Variants in PCSK5 observed in about 807,000 individuals in gnomAD.
PCSK5 encodes proprotein convertase subtilisin/kexin type 5.
Under a neutral mutation model 233.2 loss-of-function variants are expected in PCSK5, and 129 were observed. That is an observed-to-expected ratio of 0.55 (90% CI 0.48 to 0.64). The LOEUF (loss-of-function observed/expected upper bound fraction) is 0.64. Ranked by LOEUF, PCSK5 falls within the 30% of genes least tolerant of loss-of-function variation. The pLI is 0.00. For synonymous variants in PCSK5, 825 were observed against 879.2 expected (o/e 0.94, Z 1.09); for missense variants, 2,076 against 2,430.1 (o/e 0.85, Z 3.06).
At chr9:76,197,807 G>T (rs1489057778) in intron 20 of PCSK5, among the ~76,000 whole-genome samples, 1 of 152,196 alleles carries the variant, frequency 6.6e-6, no homozygotes, top group Non-Finnish European at 1.5e-5. Context: ...ATGTGTAGAA[G>T]ACGGCACAGA....
At chr9:76,161,080 C>T (rs182841939) in intron 12 of PCSK5, among the ~76,000 whole-genome samples, 1 of 152,198 alleles carries the variant, frequency 6.6e-6, no homozygotes, top group African/African-American at 2.4e-5. Context: ...AGCCCGGAAT[C>T]TGAAATCTTC....
intron 20 of PCSK5, among the ~76,000 whole-genome samples, chr9:76,210,237 A>G (rs191919465): frequency 1.9e-3 from 294 of 152,350 alleles, no homozygotes; most frequent in African/African-American, 5.4e-3. Flanking sequence ...GTAAGCTACC[A>G]GAGGGGCAAC....
chr9:76,134,918 A>G (rs1348422256), intron 10 of PCSK5, among the ~76,000 whole-genome samples: 2 of 152,098 alleles, frequency 1.3e-5, no homozygotes, highest in East Asian at 1.9e-4. Flanking sequence ...AAAGTTTAGT[A>G]TATCTACTCA....
At chr9:76,291,863 C>T (rs561727467) in intron 24 of PCSK5, among the ~76,000 whole-genome samples, 1 of 152,276 alleles carries the variant, frequency 6.6e-6, no homozygotes, top group African/African-American at 2.4e-5. Context: ...GGGTCAGAAG[C>T]TTGTAGCCCC....
intron 7 of PCSK5, among the ~76,000 whole-genome samples, chr9:76,081,663 T>G (rs1830843109): frequency 6.6e-6 from 1 of 152,184 alleles, no homozygotes; most frequent in Admixed American, 6.5e-5. Context: ...TTAGTTTGTG[T>G]AATTCACCTA....
chr9:76,066,600 C>T (rs772587992), intron 5 of PCSK5, among the ~76,000 whole-genome samples: 1 of 152,026 alleles, frequency 6.6e-6, no homozygotes, highest in Non-Finnish European at 1.5e-5. Context: ...TACACACACA[C>T]TACACAAACA....
intron 21 of PCSK5, among the ~76,000 whole-genome samples, chr9:76,229,595 G>GA (rs1378717996): frequency 6.6e-6 from 1 of 152,030 alleles, no homozygotes; most frequent in Admixed American, 6.5e-5. Flanking sequence ...TGAATTCAGA[G>GA]AAAAAAATCT....
intron 20 of PCSK5, among the ~76,000 whole-genome samples, chr9:76,219,389 G>C (rs1206385641): frequency 1.3e-5 from 2 of 152,136 alleles, no homozygotes; most frequent in Non-Finnish European, 2.9e-5. Context: ...AGCCATGAGG[G>C]AGGTTCATTG....
At chr9:75,956,941 C>G (rs1825120936) in intron 2 of PCSK5, among the ~76,000 whole-genome samples, 1 of 152,076 alleles carries the variant, frequency 6.6e-6, no homozygotes, top group Non-Finnish European at 1.5e-5. Context: ...TTCTCCCCAG[C>G]AGATTTGCAA....
chr9:76,053,841 C>T (rs1191936009), intron 5 of PCSK5, among the ~76,000 whole-genome samples: 2 of 152,228 alleles, frequency 1.3e-5, no homozygotes, highest in Admixed American at 6.5e-5. Context: ...TCCAAAGTCA[C>T]TTCCACAGTT....
At chr9:76,330,411 C>G (rs1829493062) in intron 33 of PCSK5, among the ~76,000 whole-genome samples, 1 of 151,946 alleles carries the variant, frequency 6.6e-6, no homozygotes, top group Non-Finnish European at 1.5e-5. Flanking sequence ...CACTTTTCTC[C>G]CCCACCAGGA....
chr9:75,924,413 A>G (rs541354227), intron 1 of PCSK5, among the ~76,000 whole-genome samples: 1 of 152,304 alleles, frequency 6.6e-6, no homozygotes, highest in East Asian at 1.9e-4. Flanking sequence ...ATGCAATAGC[A>G]TTTACGAATC....
At chr9:76,206,788 C>A (rs755631299) in intron 20 of PCSK5, among the ~76,000 whole-genome samples, 17 of 152,220 alleles carry the variant, frequency 1.1e-4, no homozygotes, top group Non-Finnish European at 1.8e-4. Context: ...CTCGCCTATA[C>A]TGAACTGCAT....
intron 9 of PCSK5, 115 bp downstream of exon 9, chr9:76,107,466 A>C: frequency 1.8e-6 from 1 of 543,726 alleles, no homozygotes. Context: ...AATCTTCCCA[A>C]TCCCACCTTT....
chr9:76,359,601 G>A lies in PCSK5; in HGVS notation c.*679G>A, dbSNP rs1830391482. On this transcript the variant is annotated 3_prime_UTR_variant, in exon 38 of 38. Coordinates refer to ENST00000674117, the MANE Select transcript of PCSK5 (RefSeq NM_001372043.1). Reference sequence around the variant, plus strand: ...ACCCCAGGCCCTAGTTCCTCCGCAGGAATCCAGAGTCACAACAATTCTAAA... The same window carrying A: ...ACCCCAGGCCCTAGTTCCTCCGCAGAAATCCAGAGTCACAACAATTCTAAA... The A allele has an allele frequency of 6.6e-6, 1 of 152,148 alleles. No homozygotes were observed. 9.4% of individuals were successfully genotyped at this position (152,148 alleles called of 1,614,324 possible).
At chr9:76,097,246 CTTTTTTTTTTT>C (rs71372046) in intron 8 of PCSK5, among the ~76,000 whole-genome samples, 2 of 67,328 alleles carry the variant, frequency 3.0e-5, no homozygotes, top group African/African-American at 1.3e-4. Flanking sequence ...AAGTGCATTT[CTTTTTTTTTTT>C]TTTTTTTTTT....
intron 2 of PCSK5, among the ~76,000 whole-genome samples, chr9:75,969,060 A>G (rs759592697): frequency 2.6e-5 from 4 of 152,120 alleles, no homozygotes; most frequent in Non-Finnish European, 4.4e-5. Flanking sequence ...TTCTGGCATC[A>G]TCACAGCTGA....
intron 30 of PCSK5, among the ~76,000 whole-genome samples, chr9:76,317,363 A>C (rs1226612811): frequency 6.6e-6 from 1 of 152,194 alleles, no homozygotes; most frequent in Non-Finnish European, 1.5e-5. Flanking sequence ...ACCCTGTCTC[A>C]GACAAAACAA....
intron 3 of PCSK5, among the ~76,000 whole-genome samples, chr9:76,013,976 G>A (rs1015170705): frequency 6.0e-5 from 9 of 151,010 alleles, no homozygotes; most frequent in Non-Finnish European, 1.3e-4. Context: ...AAGAAAAAAG[G>A]AAGTGGGAAC....
Sources: allele counts gnomAD v4.1 joint callset (sites outside exome capture counted in the v4.1 genomes callset), GRCh38; gene constraint gnomAD v4.1.1; transcripts MANE v1.5; gene names NCBI Gene and HGNC (gene_info 2026-07-23, HGNC 2026-07-21).